PTK2: variants seen among roughly 807,000 people sequenced by gnomAD.
The protein encoded by PTK2 is protein tyrosine kinase 2.
Under a neutral mutation model 150.1 loss-of-function variants are expected in PTK2, and 45 were observed. The observed-to-expected ratio is 0.30, with a 90% CI of 0.24 to 0.38. PTK2 has a LOEUF of 0.38. PTK2 is among the 10% of genes least tolerant of loss of function. The pLI is 1.00. For missense variants in PTK2, 919 were observed against 1,307.3 expected, an observed-to-expected ratio of 0.70 and a Z score of 4.58; for synonymous variants, 432 against 449.2, an observed-to-expected ratio of 0.96 and a Z score of 0.48.
At chr8:140,803,567 T>C in exon 11 of PTK2, 6 of 1,613,492 alleles carry the variant, frequency 3.7e-6, no homozygotes, top group Non-Finnish European at 5.1e-6. Context: ...CTATTTTTAG[T>C]TGTAGCATTC....
At chr8:140,817,824 T>C (rs2100105664) in intron 10 of PTK2, among the ~76,000 whole-genome samples, 1 of 152,162 alleles carries the variant, frequency 6.6e-6, no homozygotes, top group Admixed American at 6.5e-5. Flanking sequence ...AGTGTGAGTT[T>C]CCATCTGATG....
intron 26 of PTK2, among the ~76,000 whole-genome samples, chr8:140,699,924 A>C (rs2100029240): frequency 6.6e-6 from 1 of 151,942 alleles, no homozygotes; most frequent in Non-Finnish European, 1.5e-5. Flanking sequence ...ACATTCCTCT[A>C]TCCTCATTTC....
chr8:140,676,449 G>A lies in PTK2; in HGVS notation c.2563-950C>T, dbSNP rs151294465. Among the ~76,000 whole-genome samples, 692 of 151,318 alleles carry A rather than the reference G, an allele frequency of 4.6e-3. 3 individuals are homozygous for A. Among genetic ancestry groups the A allele is most frequent in the African/African-American group, 0.016 (654 of 41,254 alleles). On this transcript the variant is annotated intron_variant, in intron 27 of 31. Transcript: ENST00000522684. ...TCCTGTCTTTTGCAGCAGTGGGGAT[G>A]GATGCAGTAATGTGTAGGCCATTAT... is the stretch of plus-strand genomic sequence containing the variant.
intron 27 of PTK2, among the ~76,000 whole-genome samples, chr8:140,682,381 G>A (rs1251772116): frequency 6.6e-6 from 1 of 152,004 alleles, no homozygotes; most frequent in African/African-American, 2.4e-5. Context: ...AAACAAAAAC[G>A]AAAACAACAA....
chr8:140,679,006 T>G (rs911663834), intron 27 of PTK2, among the ~76,000 whole-genome samples: 1 of 5,950 alleles, frequency 1.7e-4, no homozygotes, highest in Admixed American at 2.4e-3. Context: ...TCCCCATGTT[T>G]TTTTTTTTTT....
Position 140,670,491 on chromosome 8 carries a change from ACACAC to A in PTK2, c.2710-2072_2710-2068del, listed in dbSNP as rs1352162774. On this transcript the variant is annotated intron_variant, in intron 29 of 31. Transcript: ENST00000522684. ...AAAAAAAAAAAAAAAAAACAACAAC[ACACAC>A]ACACACACACACACACACACACACA... Among the ~76,000 whole-genome samples the A allele has an allele frequency of 8.4e-4, 21 of 24,880 alleles. 1 individual carries two copies. Among genetic ancestry groups the A allele is most frequent in the African/African-American group, 1.6e-3 (18 of 10,976 alleles). 16.3% of individuals were successfully genotyped at this position (24,880 alleles called of 152,430 possible). A position where few individuals can be genotyped will look rare whatever the true frequency, so the allele number is the denominator to read the frequency against.
chr8:140,757,254 G>A (rs1347836310), intron 16 of PTK2, among the ~76,000 whole-genome samples: 2 of 152,050 alleles, frequency 1.3e-5, no homozygotes, highest in Admixed American at 6.5e-5. Flanking sequence ...CTCAAACTGA[G>A]GCAGAGCCAG....
rs114871528 is a variant in PTK2 at position 140,933,265 on chromosome 8, T to C, written c.-121-7516A>G. On this transcript the variant is annotated intron_variant, in intron 1 of 31. Transcript: ENST00000522684. The stretch of plus-strand genomic sequence containing the variant: ...GCTGGCAATAGAAGAGCATTTCCTT[T>C]AGAAAAAAACAGAAGAACTGCATAA... Among the ~76,000 whole-genome samples the C allele has an allele frequency of 2.9e-3, 437 of 151,338 alleles. 3 individuals carry two copies. Among genetic ancestry groups the C allele is most frequent in the African/African-American group, 0.01 (423 of 41,302 alleles).
rs1409122557 is a variant in PTK2, at chr8:140,937,487, C to CAAGTAT, written c.-121-11739_-121-11738insATACTT. 1.3e-3 allele frequency among the ~76,000 whole-genome samples: 190 copies of CAAGTAT among 151,702 alleles called. 1 individual carries two copies. Among genetic ancestry groups the CAAGTAT allele is most frequent in the African/African-American group, 4.5e-3 (188 of 41,386 alleles). ...GTGGCTTAAAGTATACTCTAATTGGCACCCTTGAATTACCCAGGAACCACC... is the reference window on the plus strand; with the variant it reads ...GTGGCTTAAAGTATACTCTAATTGGCAAGTATACCCTTGAATTACCCAGGAACCACC... On this transcript the variant is annotated intron_variant, in intron 1 of 31. Transcript: ENST00000522684.
In PTK2 at chr8:140,916,033, A is replaced by G. The variant is rs186378916; in HGVS notation, c.-33+9628T>C. Among the ~76,000 whole-genome samples, 282 of 152,356 alleles carry G rather than the reference A, an allele frequency of 1.9e-3. 4 individuals carry two copies. Among genetic ancestry groups the G allele is most frequent in the Non-Finnish European group, 2.5e-3 (170 of 68,038 alleles). On this transcript the variant is annotated intron_variant, in intron 2 of 31. Transcript: ENST00000522684. ...CCAAATACTAATAATGAGGACCAGA[A>G]AAAGAATATGAGAAAAAGTTTAATA...
chr8:140,832,399 C>T (rs2100115990), intron 7 of PTK2, among the ~76,000 whole-genome samples: 1 of 152,160 alleles, frequency 6.6e-6, no homozygotes, highest in South Asian at 2.1e-4. Context: ...ATAGGACAGA[C>T]TTGCTGTTAA....
chr8:140,709,677 A>G (rs2100035719), intron 23 of PTK2, among the ~76,000 whole-genome samples: 1 of 152,240 alleles, frequency 6.6e-6, no homozygotes, highest in Admixed American at 6.5e-5. Context: ...TGGCTTTCAT[A>G]TGAGTCCAAA....
chr8:140,714,130 C>A (rs1335372328), intron 23 of PTK2, among the ~76,000 whole-genome samples: 2 of 152,162 alleles, frequency 1.3e-5, no homozygotes, highest in Non-Finnish European at 2.9e-5. Flanking sequence ...TCAAGTGATC[C>A]CCCTACCTCA....
At chr8:140,762,704 A>G (rs377734288) in intron 15 of PTK2, among the ~76,000 whole-genome samples, 1 of 152,146 alleles carries the variant, frequency 6.6e-6, no homozygotes, top group African/African-American at 2.4e-5. Context: ...ACAAATAAAA[A>G]CTGGATTATC....
At chr8:140,878,561 T>C (rs2100147041) in intron 4 of PTK2, among the ~76,000 whole-genome samples, 1 of 151,884 alleles carries the variant, frequency 6.6e-6, no homozygotes, top group African/African-American at 2.4e-5. Context: ...GCCACCGTAC[T>C]GCAGCCTGGG....
In PTK2 at chr8:140,934,975, A is replaced by T. The variant is rs558349802; in HGVS notation, c.-121-9226T>A. On this transcript the variant is annotated intron_variant, in intron 1 of 31. Transcript: ENST00000522684. ...GGAGGACATAAAAAACTCCATTTTG[A>T]AGTTTGAATCAGCACTGCAATTACA... is the stretch of plus-strand genomic sequence containing the variant. 4.5e-3 allele frequency among the ~76,000 whole-genome samples: 689 copies of T among 152,322 alleles called. 5 individuals are homozygous for T. Among genetic ancestry groups the T allele is most frequent in the South Asian group, 0.019 (90 of 4,826 alleles).
intron 27 of PTK2, among the ~76,000 whole-genome samples, chr8:140,679,123 C>A (rs2100015676): frequency 7.0e-6 from 1 of 142,560 alleles, no homozygotes; most frequent in African/African-American, 2.6e-5. Context: ...CTCCCAGGTT[C>A]AAGTGATTCT....
intron 5 of PTK2, among the ~76,000 whole-genome samples, chr8:140,860,393 C>T (rs1212609684): frequency 6.6e-6 from 1 of 152,208 alleles, no homozygotes; most frequent in African/African-American, 2.4e-5. Flanking sequence ...TGGCAGTCAA[C>T]AGGGTCACCC....
Position 140,899,914 on chromosome 8 carries a change from T to C in PTK2, c.-32-9145A>G, listed in dbSNP as rs73356519. On this transcript the variant is annotated intron_variant, in intron 2 of 31. Transcript: ENST00000522684. ...GATAAAATTCAACATCTCTTCATGATAAAAATTCCCAAAAAATAGGGTACA... is the reference window on the plus strand; with the variant it reads ...GATAAAATTCAACATCTCTTCATGACAAAAATTCCCAAAAAATAGGGTACA... Among the ~76,000 whole-genome samples the C allele has an allele frequency of 4.2e-3, 637 of 152,246 alleles. 9 individuals carry two copies. Among genetic ancestry groups the C allele is most frequent in the African/African-American group, 0.015 (605 of 41,552 alleles).
Sources: gnomAD v4.1 joint callset for allele counts (sites outside exome capture counted in the v4.1 genomes callset) on GRCh38, gnomAD v4.1.1 for gene constraint, MANE v1.5 for transcripts, NCBI Gene and HGNC (gene_info 2026-07-23, HGNC 2026-07-21) for gene names.